The following OR1J2 variants were observed in gnomAD, a reference collection of about 807,000 sequenced individuals.
The protein encoded by OR1J2 is olfactory receptor 1J2.
For synonymous variants in OR1J2, 142 were observed against 99.7 expected (o/e 1.42, Z -2.52); for missense variants, 304 against 246.1 (o/e 1.24, Z -1.57).
At chr9:122,449,244 A>G in the OR1J2 span, among the ~76,000 whole-genome samples, 2 of 152,106 alleles carry the variant, frequency 1.3e-5, no homozygotes, top group South Asian at 2.1e-4. Context: ...ATCATTTCAC[A>G]CTGGAATATG....
At chr9:122,496,371 AG>A in the OR1J2 span, among the ~76,000 whole-genome samples, 1 of 152,044 alleles carries the variant, frequency 6.6e-6, no homozygotes, top group African/African-American at 2.4e-5. Context: ...GAAGTGTCTG[AG>A]CTTAGACTGT....
the OR1J2 span, chr9:122,477,298 G>T: frequency 3.7e-6 from 6 of 1,614,052 alleles, no homozygotes. Flanking sequence ...GCACAGGAAT[G>T]GAAGCATAAT....
chr9:122,479,006 G>A, the OR1J2 span, among the ~76,000 whole-genome samples: 1 of 152,058 alleles, frequency 6.6e-6, no homozygotes, highest in East Asian at 1.9e-4. Context: ...GGGGTTACAG[G>A]TGTGAGCCAC....
chr9:122,508,201 A>G (rs557620887), upstream of OR1J2, among the ~76,000 whole-genome samples: 1 of 151,196 alleles, frequency 6.6e-6, no homozygotes, highest in East Asian at 1.9e-4. Flanking sequence ...AAGAAGAAGG[A>G]GGAGAAGGAG....
chr9:122,566,426 T>C, the OR1J2 span, among the ~76,000 whole-genome samples: 1 of 152,222 alleles, frequency 6.6e-6, no homozygotes, highest in African/African-American at 2.4e-5. Context: ...TACACACATA[T>C]GTACATTCAT....
At chr9:122,557,150 T>C in the OR1J2 span, among the ~76,000 whole-genome samples, 1 of 152,276 alleles carries the variant, frequency 6.6e-6, no homozygotes, top group East Asian at 1.9e-4. Context: ...TTGGATTTTC[T>C]GTAAAAATCA....
the OR1J2 span, chr9:122,567,630 GATGACAAAACTGTGTAAACA>G: frequency 1.9e-6 from 3 of 1,614,016 alleles, no homozygotes; most frequent in Non-Finnish European, 2.5e-6. Flanking sequence ...ATTGAGCATG[GATGACAAAACTGTGTAAACA>G]ATTGTTGCCA....
the OR1J2 span, among the ~76,000 whole-genome samples, chr9:122,549,875 T>C: frequency 6.6e-6 from 1 of 152,234 alleles, no homozygotes; most frequent in South Asian, 2.1e-4. Context: ...AATTTTAGGA[T>C]TTTTTTCTAA....
chr9:122,466,223 A>G, the OR1J2 span, among the ~76,000 whole-genome samples: 4 of 152,186 alleles, frequency 2.6e-5, no homozygotes, highest in Non-Finnish European at 5.9e-5. Flanking sequence ...AAGCAAGCAG[A>G]CAAACAAACA....
the OR1J2 span, among the ~76,000 whole-genome samples, chr9:122,541,515 G>T: frequency 2.6e-5 from 4 of 152,128 alleles, no homozygotes; most frequent in Admixed American, 1.3e-4. Context: ...AATAAGTTTG[G>T]GTCTTGGGGT....
the OR1J2 span, chr9:122,526,837 C>T: frequency 3.7e-6 from 6 of 1,614,004 alleles, no homozygotes; most frequent in Admixed American, 1.7e-5. Flanking sequence ...GTCAGGGCAA[C>T]GATATTGGTG....
chr9:122,530,647 T>G, the OR1J2 span, among the ~76,000 whole-genome samples: 1 of 152,214 alleles, frequency 6.6e-6, no homozygotes, highest in Non-Finnish European at 1.5e-5. Context: ...ACAGGCTTTG[T>G]GTGAGCAACA....
chr9:122,530,090 GT>G, the OR1J2 span, among the ~76,000 whole-genome samples: 1 of 152,186 alleles, frequency 6.6e-6, no homozygotes, highest in African/African-American at 2.4e-5. Flanking sequence ...ATTTAAGGGG[GT>G]TAAGGGAGGG....
the OR1J2 span, among the ~76,000 whole-genome samples, chr9:122,486,967 C>T: frequency 6.6e-6 from 1 of 151,674 alleles, no homozygotes; most frequent in Non-Finnish European, 1.5e-5. Context: ...AATAGAGAAA[C>T]CAGGAAATCA....
At chr9:122,537,940 G>T in the OR1J2 span, among the ~76,000 whole-genome samples, 2 of 152,176 alleles carry the variant, frequency 1.3e-5, no homozygotes, top group Non-Finnish European at 2.9e-5. Context: ...ATTTGCATAA[G>T]GTGCGAATTT....
chr9:122,568,587 T>A, the OR1J2 span: 1 of 676,372 alleles, frequency 1.5e-6, no homozygotes, highest in Non-Finnish European at 2.5e-6. Flanking sequence ...TTGGTCACAA[T>A]TAGCTACTGT....
the OR1J2 span, among the ~76,000 whole-genome samples, chr9:122,458,365 T>C: frequency 7.2e-5 from 11 of 152,248 alleles, no homozygotes; most frequent in African/African-American, 2.4e-4. Flanking sequence ...TAGTTTTCTG[T>C]ATATTTATTT....
the OR1J2 span, among the ~76,000 whole-genome samples, chr9:122,468,935 T>G: frequency 1.3e-5 from 2 of 152,232 alleles, no homozygotes; most frequent in East Asian, 3.9e-4. Context: ...TGCTTAACTC[T>G]GACAGACCAG....
chr9:122,464,602 C>A, the OR1J2 span, among the ~76,000 whole-genome samples: 1 of 152,338 alleles, frequency 6.6e-6, no homozygotes, highest in African/African-American at 2.4e-5. Context: ...TCCTATCCGC[C>A]ATTTTCCCTC....
Sources: allele counts gnomAD v4.1 joint callset (sites outside exome capture counted in the v4.1 genomes callset), GRCh38; gene constraint gnomAD v4.1.1; transcripts MANE v1.5; gene names NCBI Gene and HGNC (gene_info 2026-07-23, HGNC 2026-07-21).